PSG1: variants seen among roughly 807,000 people sequenced by gnomAD.
PSG1 encodes pregnancy specific beta-1-glycoprotein 1, also known as pregnancy-specific beta-1-glycoprotein 1.
A neutral mutation model predicts 41.4 loss-of-function variants in PSG1; 60 were observed. That is an observed-to-expected ratio of 1.45 (90% CI 1.18 to 1.80). PSG1 has a LOEUF of 1.80. Ranked by LOEUF, PSG1 falls within the 40% of genes most tolerant of loss-of-function variation. The pLI, the probability that PSG1 is intolerant of heterozygous loss-of-function variation, is 0.00. For synonymous variants in PSG1, 256 were observed against 192.9 expected (o/e 1.33, Z -2.71); for missense variants, 806 against 516.9 (o/e 1.56, Z -5.42).
At position 42,867,092 on chromosome 19, in the gene PSG1, T is replaced by C; in HGVS notation, c.*42A>G. On this transcript the variant is annotated 3_prime_UTR_variant, in exon 6 of 6. Coordinates refer to ENST00000436291, the MANE Select transcript of PSG1 (RefSeq NM_001184825.2). Reference sequence around the variant, plus strand: ...GGAACAGAGTGGGTCTTGCTCTTAGTGATTCCATGGGAGAAAATGGAATTG... The same window carrying C: ...GGAACAGAGTGGGTCTTGCTCTTAGCGATTCCATGGGAGAAAATGGAATTG... 1 of 772,996 alleles carries C rather than the reference T, an allele frequency of 1.3e-6. No individual in the cohort carries two copies. The highest frequency in any genetic ancestry group is 2.4e-6 in the Non-Finnish European group (1 of 417,580). 47.9% of individuals were successfully genotyped at this position (772,996 alleles called of 1,614,324 possible). A position where few individuals can be genotyped will look rare whatever the true frequency, so the allele number is the denominator to read the frequency against.
Position 42,868,283 on chromosome 19 carries a change from C to G in PSG1, c.1061G>C (p.Cys354Ser). Residue 354 changes from cysteine (C) to serine (S), a missense_variant, in exon 5 of 6, where the codon TGT (cysteine) becomes TCT (serine). Coordinates refer to ENST00000436291, the MANE Select transcript of PSG1 (RefSeq NM_001184825.2). ...YRSGEVLYLS[C>S]SADSNPPAQY... is the part of the protein sequence containing the mutation. Reference sequence around the variant, plus strand: ...TGCCGGTGGGTTAGAGTCCGCAGAACAGGACAAGTAGAGGACTTCTCCTGA... The same window carrying G: ...TGCCGGTGGGTTAGAGTCCGCAGAAGAGGACAAGTAGAGGACTTCTCCTGA... 4 of 1,612,218 alleles carry G rather than the reference C, an allele frequency of 2.5e-6. No individual in the cohort carries two copies. The highest frequency in any genetic ancestry group is 2.2e-5 in the East Asian group (1 of 44,796).
Position 42,871,866 on chromosome 19 carries a change from G to A in PSG1, c.610C>T (p.Leu204=). Residue 204 remains leucine (L), a synonymous_variant, in exon 3 of 6, where the codon CTA becomes TTA. Coordinates refer to ENST00000436291, the MANE Select transcript of PSG1 (RefSeq NM_001184825.2). ...GCAGTATACTTTGTGACACCCAATAGAAAGAGGGTCCTGTTGGTTTCGGAC... is the reference window on the plus strand; with the variant it reads ...GCAGTATACTTTGTGACACCCAATAAAAAGAGGGTCCTGTTGGTTTCGGAC... ...KLSETNRTLF[L]LGVTKYTAGP... 1 of 1,612,588 alleles carries A rather than the reference G, an allele frequency of 6.2e-7. No homozygotes were observed. Among genetic ancestry groups the A allele is most frequent in the South Asian group, 1.1e-5 (1 of 90,820 alleles).
chr19:42,867,454 G>A, intron 5 of PSG1: 1 of 575,806 alleles, frequency 1.7e-6, no homozygotes, highest in Non-Finnish European at 3.1e-6. Flanking sequence ...CTTGAGAATA[G>A]GAAGCCAAAC....
Position 42,868,817 on chromosome 19 carries a change from T to A in PSG1, c.927A>T (p.Gln309His). 1 of 1,611,878 alleles carries A rather than the reference T, an allele frequency of 6.2e-7. No individual in the cohort carries two copies. ...SVTRNETGPY[Q>H]CEIRDRYGGI... ...CACCATATCGGTCCCGTATTTCACA[T>A]TGATAGGGTCCTGTTTCATTTCTCG... The change falls in exon 4 of 6, where the codon CAA becomes CAT. Residue 309 changes from glutamine to histidine, a missense_variant. Gln to His is a conservative substitution (Grantham distance 24). Coordinates refer to ENST00000436291, the MANE Select transcript of PSG1 (RefSeq NM_001184825.2).
At chr19:42,878,957 C>T (rs117521897) in intron 1 of PSG1, among the ~76,000 whole-genome samples, 1,695 of 151,380 alleles carry the variant, frequency 0.011, 39 homozygotes, top group Non-Finnish European at 0.019. Flanking sequence ...TTTGAGGTGT[C>T]ATCTGCTATA....
At chr19:42,877,767 T>G in intron 2 of PSG1, 146 bp downstream of exon 2, 2 of 1,513,024 alleles carry the variant, frequency 1.3e-6, no homozygotes, top group Non-Finnish European at 1.8e-6. Context: ...CTCCTCTGTG[T>G]GTGTCCTGCA....
At chr19:42,876,748 A>C (rs1334728431) in intron 2 of PSG1, 1 of 164,542 alleles carries the variant, frequency 6.1e-6, no homozygotes, top group Non-Finnish European at 1.3e-5. Context: ...CTGATGGTTG[A>C]AGCAGGTGAT....
Position 42,876,685 on chromosome 19 carries a change from G to A in PSG1, c.430+1228C>T, listed in dbSNP as rs1198115552. 4 of 193,200 alleles carry A rather than the reference G, an allele frequency of 2.1e-5. 1 individual carries two copies. Among genetic ancestry groups the A allele is most frequent in the Non-Finnish European group, 4.3e-5 (4 of 92,640 alleles). 12.0% of individuals were successfully genotyped at this position (193,200 alleles called of 1,614,324 possible). Reference sequence around the variant, plus strand: ...TGGGAAACACAGGATTTCAGGTTCAGTGATGGTGGTTAAGATCTGAGGAGG... The same window carrying A: ...TGGGAAACACAGGATTTCAGGTTCAATGATGGTGGTTAAGATCTGAGGAGG... On this transcript the variant is annotated intron_variant, in intron 2 of 5. Transcript: ENST00000436291.
intron 2 of PSG1, among the ~76,000 whole-genome samples, chr19:42,873,138 G>A (rs1971463353): frequency 6.6e-6 from 1 of 151,632 alleles, no homozygotes; most frequent in South Asian, 2.1e-4. Context: ...TATGCAGGAA[G>A]AGGAGGTTCT....
At chr19:42,873,775 G>T (rs930518087) in intron 2 of PSG1, among the ~76,000 whole-genome samples, 13 of 151,584 alleles carry the variant, frequency 8.6e-5, no homozygotes, top group Non-Finnish European at 1.3e-4. Flanking sequence ...AAGAAGTGAT[G>T]TGTGTTATGT....
At position 42,879,500 on chromosome 19, in the gene PSG1, A is replaced by G. The variant is rs1461269153; in HGVS notation, c.64+18T>C. 11 of 1,607,928 alleles carry G rather than the reference A, an allele frequency of 6.8e-6. No individual in the cohort carries two copies. In the East Asian group the frequency reaches 2.2e-4, roughly 33 times the overall value. ...CTGCTTCCTCCTCCTGTCCTCTCCC[A>G]GGAAGTTCTCTCCTCACCTGTGAGC... On this transcript the variant is annotated intron_variant, in intron 1 of 5. Transcript: ENST00000436291.
At chr19:42,872,948 T>C (rs1971456896) in intron 2 of PSG1, among the ~76,000 whole-genome samples, 2 of 151,730 alleles carry the variant, frequency 1.3e-5, no homozygotes, top group Admixed American at 6.6e-5. Flanking sequence ...AGACCAATAT[T>C]TGGGAAGAAG....
intron 2 of PSG1, among the ~76,000 whole-genome samples, chr19:42,876,145 A>C (rs1971594988): frequency 1.3e-5 from 2 of 151,416 alleles, no homozygotes; most frequent in South Asian, 4.2e-4. Context: ...GGGAAGGCCT[A>C]GAGGTGGAGG....
chr19:42,875,186 G>A (rs1472345234), intron 2 of PSG1, among the ~76,000 whole-genome samples: 1 of 151,756 alleles, frequency 6.6e-6, no homozygotes, highest in Admixed American at 6.6e-5. Flanking sequence ...TCATTCCTGG[G>A]CATAGGCCAG....
At chr19:42,871,682 A>T (rs1328022850) in intron 3 of PSG1, 85 bp downstream of exon 3, 1 of 1,611,876 alleles carries the variant, frequency 6.2e-7, no homozygotes, top group East Asian at 2.2e-5. Context: ...TCTGTATTGG[A>T]CCTGAGAGGG....
chr19:42,872,887 A>T (rs1971454149), intron 2 of PSG1, among the ~76,000 whole-genome samples: 1 of 151,850 alleles, frequency 6.6e-6, no homozygotes, highest in African/African-American at 2.4e-5. Flanking sequence ...GCGATCATGA[A>T]CTGATGACGG....
Position 42,879,650 on chromosome 19 carries a change from C to A in PSG1, c.-69G>T. The A allele has an allele frequency of 6.3e-7, 1 of 1,585,202 alleles. No homozygotes were observed. The highest frequency in any genetic ancestry group is 8.6e-7 in the Non-Finnish European group (1 of 1,161,286). ...GGATCCAGAAACTCTCTGAGCACGG[C>A]TGTCAGCTGTGCTGTCCTTCCTCTT... On this transcript the variant is annotated 5_prime_UTR_variant, in exon 1 of 6. Coordinates refer to ENST00000436291, the MANE Select transcript of PSG1 (RefSeq NM_001184825.2).
intron 5 of PSG1, 150 bp from the exon 6 acceptor site, chr19:42,867,300 C>T: frequency 1.5e-6 from 1 of 660,654 alleles, no homozygotes. Context: ...AGTTTGTTTG[C>T]AAAATAGGTG....
chr19:42,878,757 C>G (rs1021132318), intron 1 of PSG1, among the ~76,000 whole-genome samples: 1 of 150,172 alleles, frequency 6.7e-6, no homozygotes, highest in Admixed American at 6.7e-5. Flanking sequence ...GTCTTCCCCC[C>G]CATGACAGCG....
Sources: gnomAD v4.1 joint callset for allele counts (sites outside exome capture counted in the v4.1 genomes callset) on GRCh38, gnomAD v4.1.1 for gene constraint, MANE v1.5 for transcripts, NCBI Gene and HGNC (gene_info 2026-07-23, HGNC 2026-07-21) for gene names.